ABCC1: variants seen among roughly 807,000 people sequenced by gnomAD.
ABCC1 encodes the protein multidrug resistance-associated protein 1.
Under a neutral mutation model 172.9 loss-of-function variants are expected in ABCC1, and 83 were observed. The observed-to-expected ratio is 0.48, with a 90% confidence interval of 0.40 to 0.58. The LOEUF is 0.58. Ranked by LOEUF, ABCC1 falls within the 20% of genes least tolerant of loss-of-function variation. The probability of loss-of-function intolerance (pLI) is 0.00; values close to 1 mark genes in which losing one functional copy is unlikely to be tolerated. For synonymous variants in ABCC1, 937 were observed against 825.2 expected (o/e 1.14, Z -2.32); for missense variants, 1,817 against 2,002.7 (o/e 0.91, Z 1.77).
chr16:16,071,647 T>G lies in ABCC1; in HGVS notation c.1830T>G (p.Ser610Arg). ...TGCCATTGCTCTCTGTACAGGCGAGTGTCTCCCTCAAACGCCTGAGGATCT... is the reference window on the plus strand; with the variant it reads ...TGCCATTGCTCTCTGTACAGGCGAGGGTCTCCCTCAAACGCCTGAGGATCT... Reference protein sequence around the residue: ...PMVISSIVQASVSLKRLRIFL... With the variant: ...PMVISSIVQARVSLKRLRIFL... The change falls in exon 14 of 31, where the codon AGT becomes AGG. Residue 610 changes from serine to arginine, a missense_variant. By Grantham distance (110) the Ser-to-Arg change is moderately radical (BLOSUM62 -1). Around this residue, in one of 3 missense-constraint regions of ABCC1, gnomAD observed 1,412 missense variants for 1,600.3 expected, o/e 0.88. Coordinates refer to ENST00000399410, the MANE Select transcript of ABCC1 (RefSeq NM_004996.4). 6.2e-7 allele frequency: 1 copy of G among 1,613,772 alleles called. No individual in the cohort carries two copies. The highest frequency in any genetic ancestry group is 8.5e-7 in the Non-Finnish European group (1 of 1,179,874).
chr16:16,136,680 T>G, intron 29 of ABCC1, 36 bp downstream of exon 29: 1 of 1,608,478 alleles, frequency 6.2e-7, no homozygotes, highest in Non-Finnish European at 8.5e-7. Flanking sequence ...CCGGGTAAGG[T>G]GTCCTAGGCG....
intron 23 of ABCC1, among the ~76,000 whole-genome samples, chr16:16,120,973 T>C (rs1407322055): frequency 1.3e-5 from 2 of 152,200 alleles, no homozygotes; most frequent in Non-Finnish European, 2.9e-5. Flanking sequence ...TGCTTACTGT[T>C]AGGTCAAACT....
At chr16:16,074,519 G>C (rs2050478312) in intron 14 of ABCC1, among the ~76,000 whole-genome samples, 1 of 152,192 alleles carries the variant, frequency 6.6e-6, no homozygotes, top group Non-Finnish European at 1.5e-5. Flanking sequence ...CAAGCATCAG[G>C]AAACCCCTAG....
At chr16:16,006,842 C>T (rs944810390) in intron 1 of ABCC1, among the ~76,000 whole-genome samples, 8 of 82,870 alleles carry the variant, frequency 9.7e-5, no homozygotes, top group Admixed American at 5.9e-4. Context: ...GGTTGTTATC[C>T]GTGGTGGTGG....
intron 16 of ABCC1, among the ~76,000 whole-genome samples, chr16:16,080,949 C>T (rs1257574553): frequency 6.6e-6 from 1 of 152,160 alleles, no homozygotes; most frequent in Admixed American, 6.5e-5. Flanking sequence ...ACTGCAACCT[C>T]TGCCTCCTGG....
chr16:16,123,100 C>T (rs1437959634), intron 24 of ABCC1, among the ~76,000 whole-genome samples: 1 of 152,144 alleles, frequency 6.6e-6, no homozygotes, highest in Non-Finnish European at 1.5e-5. Flanking sequence ...ACTCTAATCC[C>T]ATAGCGTAAG....
At position 16,052,336 on chromosome 16, in the gene ABCC1, T is replaced by C. The variant is rs138996964; in HGVS notation, c.1381-388T>C. On this transcript the variant is annotated intron_variant, in intron 10 of 30. Coordinates refer to ENST00000399410, the MANE Select transcript of ABCC1 (RefSeq NM_004996.4). ...TGTAGCAAGACCTAATGCTTACCTG[T>C]AGTCCCAGCTACTTTGGAGGCTGAA... 1.1e-3 allele frequency among the ~76,000 whole-genome samples: 164 copies of C among 152,122 alleles called. 1 individual carries two copies. Among genetic ancestry groups the C allele is most frequent in the African/African-American group, 3.8e-3 (157 of 41,512 alleles).
At chr16:16,134,238 G>A (rs1282988128) in intron 27 of ABCC1, 112 bp from the exon 28 acceptor site, 2 of 1,370,220 alleles carry the variant, frequency 1.5e-6, no homozygotes, top group Non-Finnish European at 2.0e-6. Flanking sequence ...CTGTCGAGTT[G>A]GGTTGACCAG....
intron 14 of ABCC1, among the ~76,000 whole-genome samples, chr16:16,073,121 T>G (rs1340794117): frequency 6.6e-6 from 1 of 152,198 alleles, no homozygotes; most frequent in Admixed American, 6.5e-5. Context: ...GCCTCTGTCA[T>G]GCACATGCCA....
chr16:16,064,135 G>A (rs567197210), intron 12 of ABCC1, among the ~76,000 whole-genome samples: 9 of 152,182 alleles, frequency 5.9e-5, no homozygotes, highest in African/African-American at 1.2e-4. Context: ...GATTTTTAGG[G>A]AGTGGGCTGG....
chr16:16,002,191 C>A (rs1162135738), intron 1 of ABCC1, among the ~76,000 whole-genome samples: 3 of 152,192 alleles, frequency 2.0e-5, no homozygotes, highest in African/African-American at 7.2e-5. Context: ...GGAAACTGTT[C>A]ATGTATACTG....
At chr16:16,054,445 G>A (rs1192389089) in intron 11 of ABCC1, among the ~76,000 whole-genome samples, 1 of 152,142 alleles carries the variant, frequency 6.6e-6, no homozygotes, top group African/African-American at 2.4e-5. Flanking sequence ...GTCTATAATG[G>A]AGATGGTGCA....
Position 15,986,380 on chromosome 16 carries a change from G to A in ABCC1, c.49-21436G>A, listed in dbSNP as rs141438443. 2.4e-3 allele frequency among the ~76,000 whole-genome samples: 367 copies of A among 152,306 alleles called. 2 individuals carry two copies. Among genetic ancestry groups the A allele is most frequent in the African/African-American group, 8.7e-3 (361 of 41,562 alleles). ...ACCAGTAGCGAGCAGTCTGTGGCCT[G>A]TTAGGAACTGAGTCATGCAACAGGA... On this transcript the variant is annotated intron_variant, in intron 1 of 30. Coordinates refer to ENST00000399410, the MANE Select transcript of ABCC1 (RefSeq NM_004996.4).
chr16:16,111,303 C>T (rs1464545969), intron 21 of ABCC1, 72 bp from the exon 22 acceptor site: 10 of 1,283,222 alleles, frequency 7.8e-6, no homozygotes, highest in African/African-American at 5.1e-5. Context: ...GTGAAGCCCC[C>T]GACCTTGTGG....
intron 23 of ABCC1, among the ~76,000 whole-genome samples, chr16:16,120,598 G>C (rs926990626): frequency 6.6e-6 from 1 of 152,130 alleles, no homozygotes; most frequent in Non-Finnish European, 1.5e-5. Flanking sequence ...GCCCGGAGAA[G>C]GTGCTCATGG....
rs60996498 is a variant in ABCC1, at chr16:16,003,371, C to T, written c.49-4445C>T. Among the ~76,000 whole-genome samples the T allele has an allele frequency of 9.5e-4, 30 of 31,646 alleles. 2 individuals carry two copies. The highest frequency in any genetic ancestry group is 2.6e-3 in the African/African-American group (22 of 8,344). 20.8% of individuals were successfully genotyped at this position (31,646 alleles called of 152,430 possible). On this transcript the variant is annotated intron_variant, in intron 1 of 30. Coordinates refer to ENST00000399410, the MANE Select transcript of ABCC1 (RefSeq NM_004996.4). ...ATGGGTAGGTGGATGGATGAATGAACTGGTGGGTTGCTGGATGGGTGGATG... is the reference window on the plus strand; with the variant it reads ...ATGGGTAGGTGGATGGATGAATGAATTGGTGGGTTGCTGGATGGGTGGATG...
intron 12 of ABCC1, among the ~76,000 whole-genome samples, chr16:16,059,109 C>T (rs1457797181): frequency 6.6e-6 from 1 of 152,160 alleles, no homozygotes; most frequent in East Asian, 1.9e-4. Flanking sequence ...CGGAGTGGAT[C>T]CTCACTGCCT....
chr16:16,105,963 G>A (rs1051177811), intron 20 of ABCC1, among the ~76,000 whole-genome samples: 1 of 148,274 alleles, frequency 6.7e-6, no homozygotes, highest in African/African-American at 2.5e-5. Context: ...TGCAATTTCT[G>A]CCTCTGGGAT....
At chr16:16,122,447 C>CTTAGTGATGCAAGA (rs1555502287) in intron 24 of ABCC1, among the ~76,000 whole-genome samples, 1 of 152,138 alleles carries the variant, frequency 6.6e-6, no homozygotes, top group Non-Finnish European at 1.5e-5. Flanking sequence ...TAACTGTCAT[C>CTTAGTGATGCAAGA]CTAGTGATGC....
Sources: allele counts gnomAD v4.1 joint callset (sites outside exome capture counted in the v4.1 genomes callset), GRCh38; gene constraint gnomAD v4.1.1; regional missense constraint gnomAD v4.1.1; transcripts MANE v1.5; gene names NCBI Gene and HGNC (gene_info 2026-07-23, HGNC 2026-07-21).